ETV6: variants seen among roughly 807,000 people sequenced by gnomAD.
The protein encoded by ETV6 is ETS variant transcription factor 6.
Under a neutral mutation model 51.1 loss-of-function variants are expected in ETV6, and 16 were observed. The observed-to-expected ratio is 0.31, with a 90% CI of 0.21 to 0.48. ETV6 has a LOEUF of 0.48. ETV6 is among the 20% of genes least tolerant of loss of function. The pLI is 0.99. For synonymous variants in ETV6, 240 were observed against 224.1 expected (o/e 1.07, Z -0.64); for missense variants, 458 against 594.8 (o/e 0.77, Z 2.39).
At position 11,893,841 on chromosome 12, in the gene ETV6, T is replaced by TATATATACACAC. The variant is rs1491290450; in HGVS notation, c.*2796_*2797insTATATACACACA. ...ATATATATATATATATATATATATA[T>TATATATACACAC]ACACACACACACACATACACAAATA... On this transcript the variant is annotated 3_prime_UTR_variant, in exon 8 of 8. Transcript: ENST00000396373. 2 of 57,306 alleles carry TATATATACACAC rather than the reference T, an allele frequency of 3.5e-5. No individual in the cohort carries two copies. Among genetic ancestry groups the TATATATACACAC allele is most frequent in the African/African-American group, 1.3e-4 (2 of 15,660 alleles). The allele number at this position is 57,306 out of a possible 1,614,324, so 3.5% of individuals were successfully genotyped here.
At chr12:11,754,362 A>C (rs1944975119) in intron 2 of ETV6, among the ~76,000 whole-genome samples, 1 of 152,200 alleles carries the variant, frequency 6.6e-6, no homozygotes, top group Non-Finnish European at 1.5e-5. Flanking sequence ...GATTTCTTTC[A>C]TAACGTTTTA....
chr12:11,666,539 T>G (rs1036104420), intron 1 of ETV6, among the ~76,000 whole-genome samples: 1 of 152,234 alleles, frequency 6.6e-6, no homozygotes, highest in Non-Finnish European at 1.5e-5. Flanking sequence ...GTTATGAATC[T>G]GATTAAGTGT....
intron 5 of ETV6, among the ~76,000 whole-genome samples, chr12:11,882,900 A>C (rs112845864): frequency 3.3e-5 from 5 of 152,360 alleles, no homozygotes; most frequent in African/African-American, 1.2e-4. Flanking sequence ...CAAAGTAAAA[A>C]AGAAAGAACA....
At chr12:11,806,358 T>A (rs1945829632) in intron 2 of ETV6, among the ~76,000 whole-genome samples, 1 of 152,198 alleles carries the variant, frequency 6.6e-6, no homozygotes, top group Non-Finnish European at 1.5e-5. Context: ...CCCAAAAGTC[T>A]AGTAACAGGC....
intron 3 of ETV6, among the ~76,000 whole-genome samples, chr12:11,841,168 A>G (rs937272325): frequency 2.0e-5 from 3 of 152,186 alleles, no homozygotes; most frequent in Admixed American, 2.0e-4. Flanking sequence ...TCTTAGCATT[A>G]TTTGTGAAAC....
At chr12:11,851,977 G>A (rs1440336703) in intron 3 of ETV6, among the ~76,000 whole-genome samples, 1 of 152,138 alleles carries the variant, frequency 6.6e-6, no homozygotes, top group Non-Finnish European at 1.5e-5. Context: ...ATTTAAGTTG[G>A]TAATTAAAAT....
intron 1 of ETV6, among the ~76,000 whole-genome samples, chr12:11,680,967 A>G (rs1864517391): frequency 6.6e-6 from 1 of 152,170 alleles, no homozygotes; most frequent in Non-Finnish European, 1.5e-5. Flanking sequence ...AAAATGTTGC[A>G]CCATCATATA....
intron 1 of ETV6, among the ~76,000 whole-genome samples, chr12:11,659,910 TGAA>T (rs1864068181): frequency 6.6e-6 from 1 of 152,072 alleles, no homozygotes; most frequent in African/African-American, 2.4e-5. Flanking sequence ...GGGTCTCTAA[TGAA>T]GAATCAAGTT....
intron 4 of ETV6, among the ~76,000 whole-genome samples, chr12:11,860,339 C>A (rs75188926): frequency 6.6e-6 from 1 of 152,260 alleles, no homozygotes; most frequent in East Asian, 1.9e-4. Context: ...GAATACATGA[C>A]AGAGCCAGAG....
At chr12:11,794,102 T>G (rs1295813403) in intron 2 of ETV6, among the ~76,000 whole-genome samples, 1 of 152,136 alleles carries the variant, frequency 6.6e-6, no homozygotes, top group African/African-American at 2.4e-5. Context: ...AATCCTGCTT[T>G]CTTAGAGGCA....
chr12:11,681,697 A>G (rs985023170), intron 1 of ETV6, among the ~76,000 whole-genome samples: 24 of 151,940 alleles, frequency 1.6e-4, no homozygotes, highest in Non-Finnish European at 3.4e-4. Flanking sequence ...TACATTAGGT[A>G]TTTCTCCTTA....
intron 2 of ETV6, among the ~76,000 whole-genome samples, chr12:11,822,116 G>A (rs952851843): frequency 2.0e-5 from 3 of 152,096 alleles, no homozygotes; most frequent in African/African-American, 7.2e-5. Context: ...CTTCCAGACC[G>A]CAAAATCCAG....
intron 1 of ETV6, among the ~76,000 whole-genome samples, chr12:11,687,301 C>A (rs1864653704): frequency 6.6e-6 from 1 of 151,012 alleles, no homozygotes; most frequent in Non-Finnish European, 1.5e-5. Flanking sequence ...CTGCTTCAGC[C>A]TCCCAAGTAG....
intron 2 of ETV6, among the ~76,000 whole-genome samples, chr12:11,793,073 AT>A (rs1945626723): frequency 6.6e-6 from 1 of 151,950 alleles, no homozygotes; most frequent in Middle Eastern, 3.4e-3. Context: ...TAGTTCTTTA[AT>A]TTAAAAAAAA....
At chr12:11,657,749 G>A (rs571839280) in intron 1 of ETV6, among the ~76,000 whole-genome samples, 1 of 152,340 alleles carries the variant, frequency 6.6e-6, no homozygotes, top group South Asian at 2.1e-4. Context: ...GTGCCAGTTG[G>A]TGAGTGTGCT....
intron 7 of ETV6, among the ~76,000 whole-genome samples, chr12:11,888,679 A>G (rs1221886856): frequency 6.6e-6 from 1 of 152,110 alleles, no homozygotes; most frequent in African/African-American, 2.4e-5. Flanking sequence ...CTTGAATTAC[A>G]GATGTGAGCC....
intron 3 of ETV6, among the ~76,000 whole-genome samples, chr12:11,840,055 A>C (rs1315169590): frequency 2.6e-5 from 4 of 152,102 alleles, no homozygotes; most frequent in African/African-American, 9.7e-5. Context: ...GAAATGGGAG[A>C]TCCTAGTAGC....
At chr12:11,848,519 A>C (rs1219962857) in intron 3 of ETV6, among the ~76,000 whole-genome samples, 1 of 152,224 alleles carries the variant, frequency 6.6e-6, no homozygotes, top group African/African-American at 2.4e-5. Flanking sequence ...ACACATTACA[A>C]TACAATAATG....
chr12:11,658,996 G>C (rs1051297896), intron 1 of ETV6, among the ~76,000 whole-genome samples: 1 of 152,214 alleles, frequency 6.6e-6, no homozygotes, highest in Non-Finnish European at 1.5e-5. Context: ...GGTGAGACTT[G>C]AAAGAGAGCA....
Sources: allele counts gnomAD v4.1 joint callset (sites outside exome capture counted in the v4.1 genomes callset), GRCh38; gene constraint gnomAD v4.1.1; transcripts MANE v1.5; gene names NCBI Gene and HGNC (gene_info 2026-07-23, HGNC 2026-07-21).